INPP5F: variants seen among roughly 807,000 people sequenced by gnomAD.
INPP5F encodes the protein phosphatidylinositide 4-phosphatase SAC2.
INPP5F carries 97 observed loss-of-function variants against 137.2 expected under a neutral mutation model. The observed-to-expected ratio is 0.71, with a 90% CI of 0.60 to 0.84. INPP5F has a LOEUF of 0.84. INPP5F is among the 40% of genes least tolerant of loss of function. INPP5F has a pLI of 0.00. For synonymous variants in INPP5F, 504 were observed against 476.9 expected (o/e 1.06, Z -0.74); for missense variants, 1,271 against 1,371.9 (o/e 0.93, Z 1.16).
intron 15 of INPP5F, chr10:119,819,650 G>C: frequency 2.6e-6 from 2 of 763,110 alleles, no homozygotes; most frequent in Non-Finnish European, 3.9e-6. Context: ...TTAATGCTCA[G>C]ATTTTGGCTC....
chr10:119,812,587 C>T (rs1009978207), intron 15 of INPP5F, among the ~76,000 whole-genome samples: 11 of 151,838 alleles, frequency 7.2e-5, no homozygotes, highest in Admixed American at 4.6e-4. Flanking sequence ...TTATCTCATA[C>T]GTTTTGTGTG....
intron 2 of INPP5F, among the ~76,000 whole-genome samples, chr10:119,757,200 G>C (rs1311499882): frequency 6.6e-6 from 1 of 151,910 alleles, no homozygotes. Context: ...TCAGCCTCCT[G>C]AGTAGCTGGG....
chr10:119,782,465 C>T (rs1422626883), intron 3 of INPP5F, among the ~76,000 whole-genome samples: 1 of 152,124 alleles, frequency 6.6e-6, no homozygotes, highest in Non-Finnish European at 1.5e-5. Flanking sequence ...TGTGATGTGC[C>T]AGGTGGGCCC....
chr10:119,811,710 A>G (rs1378842896), intron 14 of INPP5F, 47 bp from the exon 15 acceptor site: 1 of 1,451,448 alleles, frequency 6.9e-7, no homozygotes. Flanking sequence ...TTTTAAAAAT[A>G]TATTAGTAAA....
intron 2 of INPP5F, among the ~76,000 whole-genome samples, chr10:119,757,932 G>T (rs1173999212): frequency 6.6e-6 from 1 of 152,162 alleles, no homozygotes; most frequent in African/African-American, 2.4e-5. Context: ...CTTACCTGCT[G>T]TGTCTCTGTG....
rs570884262 is a variant in INPP5F at position 119,804,311 on chromosome 10, C to T, written c.1241+14C>T. 4.7e-4 allele frequency: 755 copies of T among 1,604,412 alleles called. 11 individuals carry two copies. In the South Asian group the frequency reaches 7.7e-3, roughly 16 times the overall value. ...CCATGAGCACTGGTAAGATGGCTTT[C>T]GGAGAATAGTGTTGATCAATTGCAG... On this transcript the variant is annotated intron_variant, in intron 10 of 19. Coordinates refer to ENST00000650623, the MANE Select transcript of INPP5F (RefSeq NM_014937.4).
At chr10:119,765,888 G>T (rs200322734) in intron 2 of INPP5F, among the ~76,000 whole-genome samples, 44,280 of 135,868 alleles carry the variant, frequency 0.33, 6,738 homozygotes, top group Admixed American at 0.36. Flanking sequence ...TATAGAGAGA[G>T]AGAGAGAGAG....
At position 119,827,131 on chromosome 10, in the gene INPP5F, C is replaced by T. The variant is rs143971332; in HGVS notation, c.2750C>T (p.Ala917Val). Residue 917 changes from alanine to valine, a missense_variant, in exon 20 of 20, where the codon GCT (alanine) becomes GTT (valine). Ala to Val is a moderately conservative substitution (Grantham distance 64). Around this residue, in one of 6 missense-constraint regions of INPP5F, gnomAD observed 490 missense variants for 443.7 expected, o/e 1.10. Transcript: ENST00000650623. ...SLSSTDSSVH[A>V]PSEITVAHGS... ...AGCAGCACAGATAGTAGCGTTCATG[C>T]TCCTTCAGAGATTACTGTTGCTCAT... 6.2e-7 allele frequency: 1 copy of T among 1,614,040 alleles called. No individual in the cohort carries two copies. Among genetic ancestry groups the T allele is most frequent in the African/African-American group, 1.3e-5 (1 of 74,926 alleles).
At chr10:119,777,036 C>T (rs183743416) in intron 2 of INPP5F, among the ~76,000 whole-genome samples, 25 of 152,222 alleles carry the variant, frequency 1.6e-4, no homozygotes, top group African/African-American at 6.0e-4. Flanking sequence ...CAGGCATGAG[C>T]CACCGCACCT....
chr10:119,758,349 C>G (rs200193181), intron 2 of INPP5F, among the ~76,000 whole-genome samples: 2 of 152,054 alleles, frequency 1.3e-5, no homozygotes, highest in Admixed American at 6.6e-5. Context: ...TAGTTCTTGG[C>G]GGAGTATGCA....
At chr10:119,796,092 G>A (rs1850371673) in intron 6 of INPP5F, among the ~76,000 whole-genome samples, 1 of 150,316 alleles carries the variant, frequency 6.7e-6, no homozygotes, top group African/African-American at 2.4e-5. Flanking sequence ...GGGAGGGGGA[G>A]GGGGAGAGGG....
At chr10:119,783,720 C>G (rs567473250) in intron 3 of INPP5F, among the ~76,000 whole-genome samples, 3 of 152,106 alleles carry the variant, frequency 2.0e-5, no homozygotes, top group Non-Finnish European at 2.9e-5. Flanking sequence ...CCTTTTTTCT[C>G]TCTCGATAGT....
chr10:119,819,013 A>G (rs1851421746), intron 15 of INPP5F: 1 of 152,468 alleles, frequency 6.6e-6, no homozygotes, highest in African/African-American at 2.4e-5. Context: ...TGTCCCCTGA[A>G]GACAGCGGCT....
intron 15 of INPP5F, among the ~76,000 whole-genome samples, chr10:119,820,269 G>T (rs947441279): frequency 6.6e-6 from 1 of 152,092 alleles, no homozygotes; most frequent in Non-Finnish European, 1.5e-5. Context: ...GTATAAATAT[G>T]GCAAAATGGA....
At chr10:119,806,739 C>A (rs1228341635) in intron 12 of INPP5F, among the ~76,000 whole-genome samples, 1 of 151,852 alleles carries the variant, frequency 6.6e-6, no homozygotes, top group Non-Finnish European at 1.5e-5. Flanking sequence ...ATTGTGTGGT[C>A]ATTTACCTTT....
rs1233879478 is a variant in INPP5F at position 119,804,252 on chromosome 10, A to G, written c.1196A>G (p.Asn399Ser). The G allele has an allele frequency of 1.2e-5, 19 of 1,612,938 alleles. No homozygotes were observed. Among genetic ancestry groups the G allele is most frequent in the African/African-American group, 4.0e-5 (3 of 74,912 alleles). Residue 399 changes from asparagine to serine, a missense_variant, in exon 10 of 20, where the codon AAC (asparagine) becomes AGC (serine). This residue lies in a region of INPP5F where 593 missense variants were observed against 712.4 expected (regional missense o/e 0.83). Coordinates refer to ENST00000650623, the MANE Select transcript of INPP5F (RefSeq NM_014937.4). ...TACCTGAAGCAAGTGTTGCTTTTCAACAACTCACACCTCACTTACGTTTCG... is the reference window on the plus strand; with the variant it reads ...TACCTGAAGCAAGTGTTGCTTTTCAGCAACTCACACCTCACTTACGTTTCG... Reference protein sequence around the residue: ...DAYLKQVLLFNNSHLTYVSFD... With the variant: ...DAYLKQVLLFSNSHLTYVSFD...
intron 3 of INPP5F, among the ~76,000 whole-genome samples, chr10:119,788,686 A>G (rs747219942): frequency 8.5e-5 from 13 of 152,192 alleles, no homozygotes; most frequent in Non-Finnish European, 1.5e-4. Context: ...GAAGATTCTC[A>G]CTTGTGTAAA....
At chr10:119,800,324 C>T (rs1323327364) in intron 9 of INPP5F, among the ~76,000 whole-genome samples, 4 of 149,666 alleles carry the variant, frequency 2.7e-5, no homozygotes, top group Non-Finnish European at 4.4e-5. Context: ...GGGAGGCCAA[C>T]GTGGGCGGAT....
At chr10:119,806,322 TTTATA>T in intron 11 of INPP5F, 33 bp from the exon 12 acceptor site, 2 of 1,402,148 alleles carry the variant, frequency 1.4e-6, no homozygotes, top group Non-Finnish European at 1.9e-6. Context: ...ACCCTATTAT[TTTATA>T]TTGTAAAATA....
Sources: gnomAD v4.1 joint callset for allele counts (sites outside exome capture counted in the v4.1 genomes callset) on GRCh38, gnomAD v4.1.1 for gene constraint, gnomAD v4.1.1 regional missense constraint, MANE v1.5 for transcripts, NCBI Gene and HGNC (gene_info 2026-07-23, HGNC 2026-07-21) for gene names.